GALNT18: variants seen among roughly 807,000 people sequenced by gnomAD.
GALNT18 encodes polypeptide N-acetylgalactosaminyltransferase 18.
In GALNT18, 44 loss-of-function variants were observed where a neutral mutation model predicts 69.5. That is an observed-to-expected ratio of 0.63 (90% CI 0.50 to 0.81). The LOEUF is 0.81. Ranked by LOEUF, GALNT18 falls within the 40% of genes least tolerant of loss-of-function variation. The pLI, the probability that GALNT18 is intolerant of heterozygous loss-of-function variation, is 0.00. For missense variants in GALNT18, 715 were observed against 810.0 expected, an observed-to-expected ratio of 0.88 and a Z score of 1.42; for synonymous variants, 364 against 318.2, an observed-to-expected ratio of 1.14 and a Z score of -1.53.
rs1860050376 is a variant in GALNT18 at position 11,616,381 on chromosome 11, C to G, written c.235+4978G>C. ...TTGGTGGCTGTAAAGAAAGCCTTTC[C>G]TTCTGAAAAAACAATCTTTCATAAA... On this transcript the variant is annotated intron_variant, in intron 1 of 10. Transcript: ENST00000227756. The surrounding 1 kb of genome is among the most constrained non-coding windows in gnomAD (Gnocchi z 4.4). Among the ~76,000 whole-genome samples the G allele has an allele frequency of 6.6e-6, 1 of 152,110 alleles. No individual in the cohort carries two copies. The highest frequency in any genetic ancestry group is 2.4e-5 in the African/African-American group (1 of 41,438).
intron 9 of GALNT18, among the ~76,000 whole-genome samples, chr11:11,312,197 C>T (rs1266658587): frequency 6.6e-6 from 1 of 151,012 alleles, no homozygotes; most frequent in African/African-American, 2.4e-5. Flanking sequence ...TGATCTGCCA[C>T]CTCGGCCTCC....
intron 1 of GALNT18, among the ~76,000 whole-genome samples, chr11:11,536,191 T>A (rs1188757574): frequency 6.6e-6 from 1 of 152,220 alleles, no homozygotes; most frequent in Non-Finnish European, 1.5e-5. Context: ...TCAGCAATAC[T>A]AATAATAAAA....
At chr11:11,327,215 A>C (rs776786478) in intron 8 of GALNT18, 34 bp from the exon 9 acceptor site, 7 of 1,370,482 alleles carry the variant, frequency 5.1e-6, no homozygotes, top group Non-Finnish European at 7.3e-6. Context: ...CACACCAAAG[A>C]GAGAGGAACA....
Position 11,276,969 on chromosome 11 carries a change from TTTC to T in GALNT18, c.1678-5682_1678-5680del, listed in dbSNP as rs534009188. ...TTCATCAGGGATATTGGCCTGAAAT[TTTC>T]TTTTTTTGTTGTGTCTCTGCCAGGT... On this transcript the variant is annotated intron_variant, in intron 10 of 10. Transcript: ENST00000227756. Among the ~76,000 whole-genome samples the T allele has an allele frequency of 2.4e-3, 364 of 152,288 alleles. 1 individual carries two copies. The highest frequency in any genetic ancestry group is 8.2e-3 in the African/African-American group (339 of 41,562).
intron 1 of GALNT18, among the ~76,000 whole-genome samples, chr11:11,557,367 C>T (rs1478734136): frequency 1.3e-5 from 2 of 152,176 alleles, no homozygotes; most frequent in Admixed American, 6.5e-5. Context: ...ACTTTTGTCT[C>T]AGCCACTTAT....
intron 1 of GALNT18, among the ~76,000 whole-genome samples, chr11:11,508,698 A>T (rs1379919154): frequency 6.6e-6 from 1 of 152,218 alleles, no homozygotes; most frequent in Admixed American, 6.5e-5. Context: ...CCCATTTGGC[A>T]CTGGTTAATG....
intron 1 of GALNT18, among the ~76,000 whole-genome samples, chr11:11,493,267 CAAAAAAAAAAAAAA>C (rs142149447): frequency 2.8e-5 from 2 of 71,356 alleles, no homozygotes; most frequent in Admixed American, 1.6e-4. Flanking sequence ...TCCTTCATCT[CAAAAAAAAAAAAAA>C]AAAAAAAAAA....
At chr11:11,514,614 CA>C in intron 1 of GALNT18, among the ~76,000 whole-genome samples, 1 of 152,356 alleles carries the variant, frequency 6.6e-6, no homozygotes, top group East Asian at 1.9e-4. Context: ...TCTTGCCCTA[CA>C]AATGGAAAAC....
intron 9 of GALNT18, among the ~76,000 whole-genome samples, chr11:11,298,041 A>G (rs919976504): frequency 1.3e-5 from 2 of 152,352 alleles, no homozygotes; most frequent in South Asian, 2.1e-4. Context: ...CTGGTTGCAC[A>G]TTCCTGCCTT....
intron 3 of GALNT18, among the ~76,000 whole-genome samples, chr11:11,429,690 T>C (rs79033048): frequency 0.032 from 4,893 of 152,230 alleles, 265 homozygotes; most frequent in African/African-American, 0.11. Context: ...TCAGTTATCA[T>C]CCATGGTGGA....
intron 1 of GALNT18, among the ~76,000 whole-genome samples, chr11:11,559,581 AATGGGATAGG>A (rs1309827722): frequency 2.7e-5 from 4 of 150,112 alleles, no homozygotes; most frequent in Non-Finnish European, 3.0e-5. Context: ...GACAGAATAA[AATGGGATAGG>A]ATGGGATAGG....
rs11601517 is a variant in GALNT18, at chr11:11,413,368, T to C, written c.595+19253A>G. On this transcript the variant is annotated intron_variant, in intron 3 of 10. Coordinates refer to ENST00000227756, the MANE Select transcript of GALNT18 (RefSeq NM_198516.3). This position sits in a 1 kb window ranked among gnomAD's most constrained non-coding sequence, Gnocchi z 4.7. ...GGAGGTGCAGATGCCCCATTAGGAC[T>C]CAGAGGCACTCTCTACTTTCTCTGG... Among the ~76,000 whole-genome samples the C allele has an allele frequency of 0.11, 16,834 of 152,190 alleles. 1,073 individuals are homozygous for C. Among genetic ancestry groups the C allele is most frequent in the African/African-American group, 0.18 (7,304 of 41,500 alleles).
chr11:11,325,531 A>G (rs1849902251), intron 9 of GALNT18, among the ~76,000 whole-genome samples: 1 of 152,212 alleles, frequency 6.6e-6, no homozygotes, highest in Non-Finnish European at 1.5e-5. Context: ...AAAAATAAAA[A>G]TTAAAAAAAT....
chr11:11,437,710 G>A (rs1855435117), intron 2 of GALNT18, among the ~76,000 whole-genome samples: 1 of 140,116 alleles, frequency 7.1e-6, no homozygotes, highest in South Asian at 2.3e-4. Context: ...AAGTCTGCAA[G>A]GTCCTAGTCT....
chr11:11,539,292 A>C (rs58097199), intron 1 of GALNT18, among the ~76,000 whole-genome samples: 9,027 of 146,636 alleles, frequency 0.062, 762 homozygotes, highest in African/African-American at 0.22. Flanking sequence ...TGCCTCCCCC[A>C]CAGTCTTCCC....
chr11:11,517,665 C>A (rs895876553), intron 1 of GALNT18, among the ~76,000 whole-genome samples: 3 of 151,968 alleles, frequency 2.0e-5, no homozygotes, highest in Admixed American at 2.0e-4. Context: ...TATCCCCTTG[C>A]GAGACTAGCT....
At chr11:11,559,235 C>T (rs111545674) in intron 1 of GALNT18, among the ~76,000 whole-genome samples, 3 of 152,210 alleles carry the variant, frequency 2.0e-5, no homozygotes, top group African/African-American at 7.2e-5. Context: ...TAGTCACCTC[C>T]AAGAAGCCTC....
At chr11:11,615,773 C>A (rs1303046259) in intron 1 of GALNT18, among the ~76,000 whole-genome samples, 1 of 152,172 alleles carries the variant, frequency 6.6e-6, no homozygotes, top group Non-Finnish European at 1.5e-5. Flanking sequence ...CACCTACAGG[C>A]AGAGTCTGGG....
intron 1 of GALNT18, among the ~76,000 whole-genome samples, chr11:11,484,382 C>T (rs944009062): frequency 7.2e-5 from 11 of 151,946 alleles, no homozygotes; most frequent in African/African-American, 2.4e-4. Context: ...CACCTGAGGT[C>T]GGGAGTTTGA....
Sources: gnomAD v4.1 joint callset for allele counts (sites outside exome capture counted in the v4.1 genomes callset) on GRCh38, gnomAD v4.1.1 for gene constraint, Gnocchi (gnomAD v3.1) non-coding constraint, MANE v1.5 for transcripts, NCBI Gene and HGNC (gene_info 2026-07-23, HGNC 2026-07-21) for gene names.